Variants in TMEM178B observed in about 807,000 individuals in gnomAD.
TMEM178B encodes the protein transmembrane protein 178B.
A neutral mutation model predicts 31.0 loss-of-function variants in TMEM178B; 5 were observed. The observed-to-expected ratio is 0.16, with a 90% CI of 0.08 to 0.34. The LOEUF (loss-of-function observed/expected upper bound fraction) is 0.34, where lower values mean the gene tolerates loss of function less well. TMEM178B is among the 10% of genes least tolerant of loss of function. TMEM178B has a pLI of 1.00. For missense variants in TMEM178B, 275 were observed against 400.3 expected, an observed-to-expected ratio of 0.69 and a Z score of 2.67; for synonymous variants, 164 against 164.0, an observed-to-expected ratio of 1.00 and a Z score of 0.00.
intron 2 of TMEM178B, among the ~76,000 whole-genome samples, chr7:141,324,415 G>GGTT (rs1372737643): frequency 1.4e-4 from 13 of 96,236 alleles, no homozygotes; most frequent in African/African-American, 6.4e-4. Flanking sequence ...AGGAGACCAG[G>GGTT]GTTTTTTTTT....
At chr7:141,372,686 G>T (rs1039869010) in intron 2 of TMEM178B, among the ~76,000 whole-genome samples, 7 of 152,192 alleles carry the variant, frequency 4.6e-5, no homozygotes, top group African/African-American at 1.7e-4. Context: ...TAGAATGTCA[G>T]TTTAATTATT....
At chr7:141,256,884 C>G (rs982869280) in intron 2 of TMEM178B, among the ~76,000 whole-genome samples, 3 of 152,166 alleles carry the variant, frequency 2.0e-5, no homozygotes, top group African/African-American at 7.2e-5. Flanking sequence ...ATGTGCAACA[C>G]TAAGAAATGC....
At chr7:141,489,623 C>T in the TMEM178B span, among the ~76,000 whole-genome samples, 1 of 152,046 alleles carries the variant, frequency 6.6e-6, no homozygotes, top group Non-Finnish European at 1.5e-5. Context: ...CCAGTCCCTT[C>T]ATGTGTGTGT....
intron 2 of TMEM178B, among the ~76,000 whole-genome samples, chr7:141,381,618 TA>T (rs916227193): frequency 4.6e-5 from 7 of 152,082 alleles, no homozygotes; most frequent in Admixed American, 1.3e-4. Flanking sequence ...TTTAAGTGAA[TA>T]AAAAAAATTG....
At chr7:141,125,050 A>C (rs1370167894) in intron 1 of TMEM178B, among the ~76,000 whole-genome samples, 1 of 152,148 alleles carries the variant, frequency 6.6e-6, no homozygotes, top group African/African-American at 2.4e-5. Flanking sequence ...GAGGCCCCCT[A>C]TTGGGGTGTT....
chr7:141,359,051 A>G (rs576556134), intron 2 of TMEM178B, among the ~76,000 whole-genome samples: 114 of 152,368 alleles, frequency 7.5e-4, no homozygotes, highest in Non-Finnish European at 1.2e-3. Context: ...TGATAACTAA[A>G]ATGGTAGGAA....
At chr7:141,127,168 C>T (rs1795512214) in intron 1 of TMEM178B, among the ~76,000 whole-genome samples, 1 of 152,092 alleles carries the variant, frequency 6.6e-6, no homozygotes, top group African/African-American at 2.4e-5. Context: ...TCTCTTAGCC[C>T]CTTTCTCCTG....
At chr7:141,289,727 A>AAG (rs957454552) in intron 2 of TMEM178B, among the ~76,000 whole-genome samples, 3 of 151,534 alleles carry the variant, frequency 2.0e-5, no homozygotes, top group African/African-American at 4.8e-5. Flanking sequence ...AAAAAAAAAA[A>AAG]AAAAGAAAAA....
downstream of TMEM178B, among the ~76,000 whole-genome samples, chr7:141,481,958 C>T (rs1375488583): frequency 8.5e-5 from 13 of 152,114 alleles, no homozygotes; most frequent in African/African-American, 3.1e-4. Context: ...AGCATCGTGA[C>T]CTGAGGGGTG....
chr7:141,509,553 G>A, the TMEM178B span, among the ~76,000 whole-genome samples: 1 of 152,166 alleles, frequency 6.6e-6, no homozygotes, highest in Non-Finnish European at 1.5e-5. Context: ...AGGAGGCTGA[G>A]GTAGCAGAAT....
intron 2 of TMEM178B, among the ~76,000 whole-genome samples, chr7:141,278,720 G>GAATATATAT (rs1357434474): frequency 6.6e-6 from 1 of 152,196 alleles, no homozygotes; most frequent in African/African-American, 2.4e-5. Flanking sequence ...AACACTGCTT[G>GAATATATAT]AATATATATG....
At chr7:141,327,437 G>C (rs565144073) in intron 2 of TMEM178B, among the ~76,000 whole-genome samples, 14 of 152,250 alleles carry the variant, frequency 9.2e-5, no homozygotes, top group Admixed American at 9.2e-4. Flanking sequence ...TTCCCCATTA[G>C]AGTGGTACAT....
chr7:141,275,789 A>G (rs934318222), intron 2 of TMEM178B, among the ~76,000 whole-genome samples: 2 of 152,232 alleles, frequency 1.3e-5, no homozygotes, highest in African/African-American at 2.4e-5. Flanking sequence ...TTTGTTGTAC[A>G]GAATTCATTA....
chr7:141,454,180 T>C (rs1801918788), intron 3 of TMEM178B, among the ~76,000 whole-genome samples: 1 of 152,192 alleles, frequency 6.6e-6, no homozygotes, highest in South Asian at 2.1e-4. Context: ...AAAATCACAT[T>C]TCCCAAAAGC....
chr7:141,099,973 C>T (rs1431832767), intron 1 of TMEM178B, among the ~76,000 whole-genome samples: 2 of 152,020 alleles, frequency 1.3e-5, no homozygotes, highest in African/African-American at 4.8e-5. Flanking sequence ...GCACCCGCCA[C>T]CACACCCGGC....
the TMEM178B span, among the ~76,000 whole-genome samples, chr7:141,495,936 G>T: frequency 6.6e-6 from 1 of 152,178 alleles, no homozygotes; most frequent in Non-Finnish European, 1.5e-5. Flanking sequence ...ATTCAATCCA[G>T]GTGTGTCTGT....
At chr7:141,263,715 T>C (rs945092598) in intron 2 of TMEM178B, among the ~76,000 whole-genome samples, 2 of 152,220 alleles carry the variant, frequency 1.3e-5, no homozygotes, top group Non-Finnish European at 2.9e-5. Context: ...GGAATCTGGC[T>C]GCTCATCTGC....
At chr7:141,168,885 T>G (rs1256644323) in intron 1 of TMEM178B, among the ~76,000 whole-genome samples, 2 of 152,224 alleles carry the variant, frequency 1.3e-5, no homozygotes, top group Non-Finnish European at 2.9e-5. Context: ...ATGGGATACA[T>G]GTGATATTTT....
chr7:141,266,549 G>A (rs556860036), intron 2 of TMEM178B, among the ~76,000 whole-genome samples: 2 of 152,268 alleles, frequency 1.3e-5, no homozygotes, highest in South Asian at 2.1e-4. Flanking sequence ...AGTAACAAAG[G>A]TGTGGTTCCT....
Sources: allele counts gnomAD v4.1 joint callset (sites outside exome capture counted in the v4.1 genomes callset), GRCh38; gene constraint gnomAD v4.1.1; transcripts MANE v1.5; gene names NCBI Gene and HGNC (gene_info 2026-07-23, HGNC 2026-07-21).